The following CLCN4 variants were observed in gnomAD, a reference collection of about 807,000 sequenced individuals.
CLCN4 encodes the protein H(+)/Cl(-) exchange transporter 4.
In CLCN4, 1 loss-of-function variant was observed where a neutral mutation model predicts 41.7. The observed-to-expected ratio is 0.02, with a 90% CI of 0.01 to 0.11. The LOEUF (loss-of-function observed/expected upper bound fraction) is 0.11. CLCN4 is among the 10% of genes least tolerant of loss of function. The pLI is 1.00. For synonymous variants in CLCN4, 277 were observed against 285.8 expected (o/e 0.97, Z 0.31); for missense variants, 287 against 661.0 (o/e 0.43, Z 6.20).
chrX:10,180,826 C>T (rs866074664), intron 2 of CLCN4, among the ~76,000 whole-genome samples: 17 of 106,600 alleles, frequency 1.6e-4, no homozygotes, highest in African/African-American at 5.1e-4. Context: ...ATACTGCCAC[C>T]CAAAGTCACA....
intron 12 of CLCN4, among the ~76,000 whole-genome samples, chrX:10,221,598 C>T (rs933875824): frequency 1.3e-4 from 15 of 112,316 alleles, no homozygotes; most frequent in African/African-American, 4.5e-4. Flanking sequence ...TGCAGTGGCC[C>T]AGGATTGCAC....
intron 12 of CLCN4, among the ~76,000 whole-genome samples, chrX:10,229,386 AAT>A (rs778644562): frequency 0.034 from 3,438 of 102,591 alleles, 145 homozygotes; most frequent in African/African-American, 0.12. Flanking sequence ...AGATTTTTAA[AAT>A]ATATATATAT....
intron 2 of CLCN4, among the ~76,000 whole-genome samples, chrX:10,174,118 G>T (rs1923456773): frequency 8.9e-6 from 1 of 112,208 alleles, no homozygotes; most frequent in Admixed American, 9.3e-5. Flanking sequence ...TTTGGTGTCT[G>T]CCTCTGGCCT....
intron 3 of CLCN4, among the ~76,000 whole-genome samples, chrX:10,187,022 T>C (rs1239734823): frequency 2.7e-5 from 3 of 111,975 alleles, no homozygotes; most frequent in African/African-American, 9.7e-5. Flanking sequence ...TGTGTGTAGG[T>C]AGTCCATCTG....
chrX:10,193,309 G>A lies in CLCN4; in HGVS notation c.245-1602G>A, dbSNP rs527259400. On this transcript the variant is annotated intron_variant, in intron 4 of 12. Transcript: ENST00000380833. ...TGATTGGCTCTGTAATAGCCAGTGG[G>A]CTCTATGTGCTTGGAAAAGCATAGC... is the stretch of plus-strand genomic sequence containing the variant. Among the ~76,000 whole-genome samples, 10 of 112,508 alleles carry A rather than the reference G, an allele frequency of 8.9e-5. No individual in the cohort carries two copies. In the South Asian group the frequency reaches 3.3e-3, roughly 37 times the overall value.
chrX:10,200,811 C>T (rs1602153243), intron 6 of CLCN4, among the ~76,000 whole-genome samples: 1 of 111,904 alleles, frequency 8.9e-6, no homozygotes, highest in South Asian at 3.7e-4. Context: ...GCCTCAGCCT[C>T]CTGAGTAGCT....
rs377488427 is a variant in CLCN4 at position 10,228,020 on chromosome X, A to G, written c.2193-5474A>G. 1.2e-4 allele frequency among the ~76,000 whole-genome samples: 13 copies of G among 110,847 alleles called. No homozygotes were observed. In the East Asian group the frequency reaches 3.4e-3, roughly 29 times the overall value. Reference sequence around the variant, plus strand: ...TGGTATATTTTGATACAGGCATGTAATGCATAATAATCATATCAGGGTAAA... The same window carrying G: ...TGGTATATTTTGATACAGGCATGTAGTGCATAATAATCATATCAGGGTAAA... On this transcript the variant is annotated intron_variant, in intron 12 of 12. Coordinates refer to ENST00000380833, the MANE Select transcript of CLCN4 (RefSeq NM_001830.4).
intron 2 of CLCN4, among the ~76,000 whole-genome samples, chrX:10,162,015 T>A (rs1191165467): frequency 2.4e-5 from 1 of 42,424 alleles, no homozygotes; most frequent in African/African-American, 9.1e-5. Flanking sequence ...AGTTGAGTCT[T>A]TTTTTTTTTT....
At chrX:10,185,272 G>A in intron 3 of CLCN4, 96 bp downstream of exon 3, 15 of 951,424 alleles carry the variant, frequency 1.6e-5, no homozygotes, top group East Asian at 3.2e-5. Context: ...TACGTGTCAT[G>A]TGCTGGGTTA....
rs188611339 is a variant in CLCN4 at position 10,215,150 on chromosome X, C to T, written c.1975+1071C>T. On this transcript the variant is annotated intron_variant, in intron 11 of 12. Coordinates refer to ENST00000380833, the MANE Select transcript of CLCN4 (RefSeq NM_001830.4). ...TATATCTTCTAGAGTATTCTTGAAG[C>T]TTGTCAATGGGACTTTCCCTGGTCT... is the stretch of plus-strand genomic sequence containing the variant. Among the ~76,000 whole-genome samples, 18 of 112,212 alleles carry T rather than the reference C, an allele frequency of 1.6e-4. No individual in the cohort carries two copies. The East Asian group carries it at 4.8e-3, about 30-fold the overall frequency.
In CLCN4 at chrX:10,206,797, G is replaced by C. The variant is rs772094459; in HGVS notation, c.843+21G>C. ...AAGAGGTGAGAATGGGCAGCTGAGG[G>C]AATTCGTGATTTTGAGCAGCAAGGC... On this transcript the variant is annotated intron_variant, in intron 8 of 12. Transcript: ENST00000380833. 2.7e-6 allele frequency: 3 copies of C among 1,125,405 alleles called. No homozygotes were observed. The South Asian group carries it at 6.1e-5, about 23-fold the overall frequency. The allele number at this position is 1,125,405 out of a possible 1,213,427, so 92.7% of individuals were successfully genotyped here.
intron 12 of CLCN4, among the ~76,000 whole-genome samples, chrX:10,231,167 G>A (rs775769986): frequency 5.0e-4 from 56 of 111,962 alleles, no homozygotes; most frequent in Middle Eastern, 4.2e-3. Context: ...TTTTCTCCAC[G>A]TCTTTTCATG....
At chrX:10,212,675 G>C (rs767657932) in intron 10 of CLCN4, 22 bp downstream of exon 10, 63 of 1,179,783 alleles carry the variant, frequency 5.3e-5, no homozygotes, top group Non-Finnish European at 7.1e-5. Flanking sequence ...GGTGGGGCAG[G>C]GAGGGGGACC....
At chrX:10,230,264 T>TG (rs1263014459) in intron 12 of CLCN4, among the ~76,000 whole-genome samples, 1 of 111,755 alleles carries the variant, frequency 8.9e-6, no homozygotes, top group African/African-American at 3.3e-5. Context: ...CCTCTGGCTC[T>TG]GACATGCCTC....
intron 2 of CLCN4, among the ~76,000 whole-genome samples, chrX:10,165,149 C>T (rs886666190): frequency 6.2e-5 from 7 of 113,413 alleles, no homozygotes; most frequent in Non-Finnish European, 9.4e-5. Flanking sequence ...GCCATCTTCA[C>T]ACTGTTCTTG....
At chrX:10,179,634 A>G (rs1923621730) in intron 2 of CLCN4, among the ~76,000 whole-genome samples, 3 of 111,453 alleles carry the variant, frequency 2.7e-5, no homozygotes, top group African/African-American at 9.8e-5. Flanking sequence ...GGTCCCCTCT[A>G]TCAGTTACAG....
intron 11 of CLCN4, among the ~76,000 whole-genome samples, chrX:10,215,605 A>C (rs886411779): frequency 9.0e-6 from 1 of 111,523 alleles, no homozygotes; most frequent in Non-Finnish European, 1.9e-5. Flanking sequence ...GCCTTTAAAA[A>C]TTTTTTCATT....
chrX:10,166,074 G>T (rs1470696409), intron 2 of CLCN4, among the ~76,000 whole-genome samples: 1 of 112,156 alleles, frequency 8.9e-6, no homozygotes, highest in African/African-American at 3.2e-5. Flanking sequence ...GTCAGAAAAT[G>T]GTGAAGGGAA....
At position 10,220,711 on chromosome X, in the gene CLCN4, T is replaced by C; in HGVS notation, c.2026T>C (p.Phe676Leu). ...EGIVSNSIMY[F>L]TEEPPELPAN... ...CATTGTGAGCAATTCCATCATGTAC[T>C]TCACGGAGGAACCCCCCGAGCTGCC... Residue 676 changes from phenylalanine (F) to leucine (L), a missense_variant, in exon 12 of 13, where the codon TTC (phenylalanine) becomes CTC (leucine). By Grantham distance (22) the Phe-to-Leu change is conservative. Transcript: ENST00000380833. 1 of 1,211,455 alleles carries C rather than the reference T, an allele frequency of 8.3e-7. No homozygotes were observed.
Sources: gnomAD v4.1 joint callset for allele counts (sites outside exome capture counted in the v4.1 genomes callset) on GRCh38, gnomAD v4.1.1 for gene constraint, MANE v1.5 for transcripts, NCBI Gene and HGNC (gene_info 2026-07-23, HGNC 2026-07-21) for gene names.